Variants in FA2H observed in about 807,000 individuals in gnomAD.
FA2H encodes the protein fatty acid alpha-hydroxylase.
In FA2H, 22 loss-of-function variants were observed where a neutral mutation model predicts 44.9. That is an observed-to-expected ratio of 0.49 (90% CI 0.35 to 0.70). The LOEUF is 0.70. Among genes scored for constraint, FA2H ranks in the 30% least tolerant of loss-of-function variants. FA2H has a pLI of 0.01. For synonymous variants in FA2H, 243 were observed against 213.2 expected (o/e 1.14, Z -1.22); for missense variants, 501 against 504.9 (o/e 0.99, Z 0.07).
At chr16:74,715,601 T>C (rs535061297) in intron 6 of FA2H, among the ~76,000 whole-genome samples, 75 of 152,352 alleles carry the variant, frequency 4.9e-4, no homozygotes, top group African/African-American at 1.7e-3. Context: ...CATTAATGAT[T>C]TTTTAATGTT....
intron 1 of FA2H, among the ~76,000 whole-genome samples, chr16:74,773,685 C>A (rs958556867): frequency 3.9e-5 from 6 of 152,174 alleles, no homozygotes; most frequent in Admixed American, 3.9e-4. Flanking sequence ...TTAATCAGAG[C>A]CTCCCTGAGC....
chr16:74,769,074 G>GA (rs1962858357), intron 1 of FA2H, among the ~76,000 whole-genome samples: 1 of 152,036 alleles, frequency 6.6e-6, no homozygotes, highest in African/African-American at 2.4e-5. Flanking sequence ...TGGGGCTCAG[G>GA]AAAAACCCCA....
intron 1 of FA2H, among the ~76,000 whole-genome samples, chr16:74,765,045 G>A (rs936170979): frequency 2.0e-5 from 3 of 152,154 alleles, no homozygotes; most frequent in Non-Finnish European, 2.9e-5. Flanking sequence ...AACTCTCTCC[G>A]GCTGCAAAGA....
chr16:74,741,773 AATATATATATATAT>A (rs57773726), intron 1 of FA2H, among the ~76,000 whole-genome samples: 19 of 48,056 alleles, frequency 4.0e-4, no homozygotes, highest in African/African-American at 1.2e-3. Context: ...CACCTGATTA[AATATATATATATAT>A]ATATATATAT....
chr16:74,763,280 CAG>C (rs1357493546), intron 1 of FA2H, among the ~76,000 whole-genome samples: 1 of 151,810 alleles, frequency 6.6e-6, no homozygotes, highest in African/African-American at 2.4e-5. Context: ...TTTTTTGAGA[CAG>C]AGTCTCATTC....
chr16:74,729,221 G>A lies in FA2H; in HGVS notation c.364-1835C>T, dbSNP rs143397083. Among the ~76,000 whole-genome samples the A allele has an allele frequency of 3.6e-3, 555 of 152,238 alleles. 5 individuals carry two copies. Among genetic ancestry groups the A allele is most frequent in the African/African-American group, 0.013 (544 of 41,532 alleles). On this transcript the variant is annotated intron_variant, in intron 2 of 6. Transcript: ENST00000219368. ...CAAGGGGTTTCACCATGTTGGCTAA[G>A]ATAGTCTCAATCTCCCGATCCTCGT...
intron 2 of FA2H, among the ~76,000 whole-genome samples, chr16:74,739,035 T>G (rs1962238253): frequency 6.6e-6 from 1 of 152,312 alleles, no homozygotes; most frequent in South Asian, 2.1e-4. Flanking sequence ...GTGTTCCCAG[T>G]GTCAGGGCCA....
chr16:74,725,118 C>G (rs974020203), intron 4 of FA2H, among the ~76,000 whole-genome samples: 5 of 152,170 alleles, frequency 3.3e-5, no homozygotes, highest in Non-Finnish European at 7.4e-5. Flanking sequence ...TCGAGGGATG[C>G]CTGCAGTAAC....
At chr16:74,752,089 G>T (rs1354391318) in intron 1 of FA2H, among the ~76,000 whole-genome samples, 1 of 152,138 alleles carries the variant, frequency 6.6e-6, no homozygotes, top group African/African-American at 2.4e-5. Context: ...GCATCAGCAA[G>T]TTCTAATGGT....
At chr16:74,731,752 C>T (rs1962075404) in intron 2 of FA2H, among the ~76,000 whole-genome samples, 1 of 152,208 alleles carries the variant, frequency 6.6e-6, no homozygotes, top group Admixed American at 6.5e-5. Flanking sequence ...AACAATATTC[C>T]ATACTATCTC....
At chr16:74,738,121 C>T (rs1314897412) in intron 2 of FA2H, among the ~76,000 whole-genome samples, 2 of 152,218 alleles carry the variant, frequency 1.3e-5, no homozygotes, top group African/African-American at 4.8e-5. Context: ...GGGCTCCGTC[C>T]AGAGTAGGCC....
intron 1 of FA2H, among the ~76,000 whole-genome samples, chr16:74,753,875 T>A (rs902866702): frequency 2.6e-5 from 4 of 152,284 alleles, no homozygotes; most frequent in Admixed American, 6.5e-5. Flanking sequence ...ATTTTGTAGG[T>A]TTGGAGGGTG....
In FA2H at chr16:74,727,395, G is replaced by A. The variant is rs767257792; in HGVS notation, c.364-9C>T. Reference sequence around the variant, plus strand: ...CGCCAGTCCACCAGGTCCTGCAAGAGATGAAGCCAAGTGGACGTTTGATAT... The same window carrying A: ...CGCCAGTCCACCAGGTCCTGCAAGAAATGAAGCCAAGTGGACGTTTGATAT... On this transcript the variant is annotated splice_polypyrimidine_tract_variant and intron_variant, in intron 2 of 6. Transcript: ENST00000219368. The A allele has an allele frequency of 1.2e-6, 2 of 1,614,158 alleles. No homozygotes were observed. Among genetic ancestry groups the A allele is most frequent in the South Asian group, 2.2e-5 (2 of 91,084 alleles).
chr16:74,743,878 C>G (rs1962362952), intron 1 of FA2H, among the ~76,000 whole-genome samples: 1 of 152,186 alleles, frequency 6.6e-6, no homozygotes. Flanking sequence ...CAAGGAAAAC[C>G]AGAGCCAGCG....
chr16:74,754,266 C>T (rs563488511), intron 1 of FA2H, among the ~76,000 whole-genome samples: 73 of 152,194 alleles, frequency 4.8e-4, no homozygotes, highest in African/African-American at 1.7e-3. Flanking sequence ...TGTGGTGGCA[C>T]GTGCCTGTAG....
At chr16:74,739,791 T>C (rs1183421820) in intron 2 of FA2H, among the ~76,000 whole-genome samples, 1 of 152,154 alleles carries the variant, frequency 6.6e-6, no homozygotes, top group African/African-American at 2.4e-5. Flanking sequence ...GGTTCCATGC[T>C]CAGAACTTGT....
At chr16:74,761,741 C>T (rs1317191765) in intron 1 of FA2H, among the ~76,000 whole-genome samples, 1 of 152,076 alleles carries the variant, frequency 6.6e-6, no homozygotes, top group Non-Finnish European at 1.5e-5. Context: ...TGCTATCATC[C>T]AACAATATGC....
intron 2 of FA2H, among the ~76,000 whole-genome samples, chr16:74,733,984 C>G (rs1167395013): frequency 6.6e-6 from 1 of 152,190 alleles, no homozygotes; most frequent in Non-Finnish European, 1.5e-5. Flanking sequence ...CCCCCTTCTA[C>G]CTGGGCACCA....
At chr16:74,721,176 T>A (rs1022578036) in intron 4 of FA2H, among the ~76,000 whole-genome samples, 1 of 152,162 alleles carries the variant, frequency 6.6e-6, no homozygotes, top group Non-Finnish European at 1.5e-5. Flanking sequence ...CTCTCTCTTT[T>A]TTTTTTGTGA....
Sources: gnomAD v4.1 joint callset for allele counts (sites outside exome capture counted in the v4.1 genomes callset) on GRCh38, gnomAD v4.1.1 for gene constraint, MANE v1.5 for transcripts, NCBI Gene and HGNC (gene_info 2026-07-23, HGNC 2026-07-21) for gene names.